Variants in CCDC91 observed in about 807,000 individuals in gnomAD.
CCDC91 encodes coiled-coil domain-containing protein 91.
In CCDC91, 48 loss-of-function variants were observed where a neutral mutation model predicts 63.2. The observed-to-expected ratio is 0.76, with a 90% CI of 0.60 to 0.97. The LOEUF is 0.97. Ranked by LOEUF, CCDC91 falls within the 50% of genes least tolerant of loss-of-function variation. The probability of loss-of-function intolerance (pLI) is 0.00; values close to 1 mark genes in which losing one functional copy is unlikely to be tolerated. For missense variants in CCDC91, 500 were observed against 494.6 expected (o/e 1.01, Z -0.10); for synonymous variants, 167 against 165.8 (o/e 1.01, Z -0.06).
chr12:28,196,060 A>AT (rs1419560030), intron 1 of CCDC91, among the ~76,000 whole-genome samples: 1 of 152,224 alleles, frequency 6.6e-6, no homozygotes, highest in Non-Finnish European at 1.5e-5. Flanking sequence ...AGTTGTGATC[A>AT]TGCCACTGCA....
Position 28,522,975 on chromosome 12 carries a change from A to C in CCDC91, c.1216-26088A>C, listed in dbSNP as rs187644240. Among the ~76,000 whole-genome samples the C allele has an allele frequency of 6.6e-5, 10 of 152,254 alleles. No individual in the cohort carries two copies. In the East Asian group the frequency reaches 1.7e-3, roughly 26 times the overall value. ...AATTTCTGTTCTTTTACATTTGCTG[A>C]GGAGTGCTTTACTTCCAACTATGTG... On this transcript the variant is annotated intron_variant, in intron 12 of 12. Transcript: ENST00000536442.
At chr12:28,314,247 C>T (rs180771137) in intron 6 of CCDC91, among the ~76,000 whole-genome samples, 31 of 151,918 alleles carry the variant, frequency 2.0e-4, no homozygotes, top group African/African-American at 6.7e-4. Flanking sequence ...TTAAATTTAC[C>T]TATAAATGGA....
intron 1 of CCDC91, among the ~76,000 whole-genome samples, chr12:28,249,997 A>T (rs1387183170): frequency 3.3e-5 from 5 of 152,152 alleles, no homozygotes; most frequent in Admixed American, 3.3e-4. Context: ...TTAGTTCTGC[A>T]AAATCTGTGT....
At chr12:28,534,795 T>C (rs1190581568) in intron 12 of CCDC91, among the ~76,000 whole-genome samples, 1 of 152,232 alleles carries the variant, frequency 6.6e-6, no homozygotes, top group Non-Finnish European at 1.5e-5. Context: ...AGAGGACTTT[T>C]AAGTCTGCAT....
chr12:28,484,003 A>G (rs1209390322), intron 11 of CCDC91, 49 bp from the exon 12 acceptor site: 4 of 1,068,962 alleles, frequency 3.7e-6, no homozygotes, highest in Non-Finnish European at 5.7e-6. Flanking sequence ...GGACACAGAT[A>G]TGTCATAGTG....
intron 1 of CCDC91, among the ~76,000 whole-genome samples, chr12:28,246,215 A>T (rs1945719621): frequency 6.6e-6 from 1 of 152,186 alleles, no homozygotes; most frequent in Non-Finnish European, 1.5e-5. Context: ...TATAGAAGAG[A>T]TGAAACATCA....
chr12:28,249,881 A>G (rs1348978399), intron 1 of CCDC91, among the ~76,000 whole-genome samples: 1 of 152,196 alleles, frequency 6.6e-6, no homozygotes, highest in Non-Finnish European at 1.5e-5. Flanking sequence ...ATTTTGCCAG[A>G]TAAGAATACA....
chr12:28,479,670 C>T (rs1220592973), intron 11 of CCDC91, among the ~76,000 whole-genome samples: 2 of 151,846 alleles, frequency 1.3e-5, no homozygotes, highest in African/African-American at 4.8e-5. Context: ...GGATTACAAA[C>T]ACAGATACAA....
chr12:28,342,739 G>A (rs1942524594), intron 6 of CCDC91, among the ~76,000 whole-genome samples: 1 of 152,094 alleles, frequency 6.6e-6, no homozygotes, highest in African/African-American at 2.4e-5. Flanking sequence ...CAAAGTTCTT[G>A]CAGTAATAGT....
intron 12 of CCDC91, among the ~76,000 whole-genome samples, chr12:28,523,673 T>C (rs1177575529): frequency 2.0e-5 from 3 of 152,180 alleles, no homozygotes; most frequent in Non-Finnish European, 4.4e-5. Context: ...CTAGCATCGA[T>C]GGTCTTTACA....
At chr12:28,388,098 T>G (rs1471290804) in intron 7 of CCDC91, among the ~76,000 whole-genome samples, 7 of 152,180 alleles carry the variant, frequency 4.6e-5, no homozygotes, top group Non-Finnish European at 1.0e-4. Context: ...GGTATTGCAT[T>G]GTGGTTTGAT....
chr12:28,529,497 T>C (rs1282977891), intron 12 of CCDC91, among the ~76,000 whole-genome samples: 3 of 152,162 alleles, frequency 2.0e-5, no homozygotes, highest in East Asian at 3.9e-4. Flanking sequence ...AACATTTACA[T>C]TGAGGCATTA....
intron 1 of CCDC91, among the ~76,000 whole-genome samples, chr12:28,245,186 T>C (rs1269583964): frequency 6.6e-6 from 1 of 152,114 alleles, no homozygotes; most frequent in Non-Finnish European, 1.5e-5. Context: ...ATCTTATAGC[T>C]AGAAACAGAC....
At chr12:28,377,152 A>C (rs1360713486) in intron 7 of CCDC91, among the ~76,000 whole-genome samples, 1 of 151,210 alleles carries the variant, frequency 6.6e-6, no homozygotes, top group Admixed American at 6.6e-5. Context: ...GTTTACTTAA[A>C]GATAGATCAG....
At chr12:28,235,716 G>A (rs1417627754) in intron 1 of CCDC91, among the ~76,000 whole-genome samples, 2 of 151,988 alleles carry the variant, frequency 1.3e-5, no homozygotes, top group African/African-American at 2.4e-5. Flanking sequence ...TTAGACTACA[G>A]TATGAGATAA....
chr12:28,250,140 G>C (rs1171733109), intron 1 of CCDC91, among the ~76,000 whole-genome samples: 1 of 152,066 alleles, frequency 6.6e-6, no homozygotes, highest in Non-Finnish European at 1.5e-5. Flanking sequence ...AAGAGGGTGA[G>C]GGTAGATATA....
At chr12:28,236,176 A>G (rs1286922127) in intron 1 of CCDC91, 2 of 152,070 alleles carry the variant, frequency 1.3e-5, no homozygotes, top group Non-Finnish European at 2.9e-5. Flanking sequence ...AATGAACATA[A>G]TTAATGATGA....
intron 12 of CCDC91, among the ~76,000 whole-genome samples, chr12:28,548,123 A>G (rs1565556777): frequency 6.6e-6 from 1 of 152,146 alleles, no homozygotes; most frequent in African/African-American, 2.4e-5. Context: ...TTTATTATAT[A>G]TAATCCAAAT....
At chr12:28,266,943 G>T (rs968916594) in intron 3 of CCDC91, among the ~76,000 whole-genome samples, 4 of 151,732 alleles carry the variant, frequency 2.6e-5, no homozygotes, top group African/African-American at 9.7e-5. Context: ...AGAAACAGTA[G>T]GAATCATTGC....
Sources: allele counts gnomAD v4.1 joint callset (sites outside exome capture counted in the v4.1 genomes callset), GRCh38; gene constraint gnomAD v4.1.1; transcripts MANE v1.5; gene names NCBI Gene and HGNC (gene_info 2026-07-23, HGNC 2026-07-21).